WWOX: variants seen among roughly 807,000 people sequenced by gnomAD.
The protein encoded by WWOX is WW domain containing oxidoreductase.
WWOX carries 69 observed loss-of-function variants against 46.2 expected under a neutral mutation model. The ratio of observed to expected loss-of-function variants is 1.49; its 90% CI spans 1.23 to 1.82. The LOEUF is 1.82. WWOX is among the 40% of genes most tolerant of loss of function. WWOX has a pLI of 0.00. For synonymous variants in WWOX, 359 were observed against 202.6 expected (o/e 1.77, Z -6.56); for missense variants, 919 against 542.6 (o/e 1.69, Z -6.89).
chr16:78,830,221 C>T (rs2051778959), intron 8 of WWOX, among the ~76,000 whole-genome samples: 1 of 152,214 alleles, frequency 6.6e-6, no homozygotes, highest in Non-Finnish European at 1.5e-5. Flanking sequence ...GCAGTGTTAA[C>T]ATTCTAGTAA....
rs571500609 is a variant in WWOX at position 78,935,705 on chromosome 16, T to C, written c.1057-275903T>C. Among the ~76,000 whole-genome samples the C allele has an allele frequency of 5.9e-5, 9 of 151,980 alleles. No individual in the cohort carries two copies. The East Asian group carries it at 9.7e-4, about 16-fold the overall frequency. On this transcript the variant is annotated intron_variant, in intron 8 of 8. Transcript: ENST00000566780. The stretch of plus-strand genomic sequence containing the variant: ...CACCGACATGGCACATGTATACTTA[T>C]GTAACAAAGCTGCACATTGTGCACA...
chr16:78,712,554 C>T (rs2048465662), intron 8 of WWOX, among the ~76,000 whole-genome samples: 2 of 151,438 alleles, frequency 1.3e-5, no homozygotes, highest in Admixed American at 6.6e-5. Context: ...CACATAGTAC[C>T]AGATGGATTG....
chr16:78,774,509 TG>T (rs2142531619), intron 8 of WWOX, among the ~76,000 whole-genome samples: 2 of 49,370 alleles, frequency 4.1e-5, no homozygotes, highest in African/African-American at 1.2e-4. Flanking sequence ...TGTGTGTGTG[TG>T]TGTGTGTGTG....
At chr16:79,061,654 G>T (rs1047104261) in intron 8 of WWOX, among the ~76,000 whole-genome samples, 5 of 152,186 alleles carry the variant, frequency 3.3e-5, no homozygotes, top group Non-Finnish European at 7.3e-5. Context: ...CAGGGGCAAA[G>T]AATGGGAGGA....
chr16:78,613,295 C>T lies in WWOX; in HGVS notation c.1056+180543C>T, dbSNP rs377056788. The stretch of plus-strand genomic sequence containing the variant: ...GGGATCACTCTTTCAGAAACATGAG[C>T]GTATGGAAGCCCCAGTGTGTTCCTT... On this transcript the variant is annotated intron_variant, in intron 8 of 8. Transcript: ENST00000566780. 3.4e-4 allele frequency among the ~76,000 whole-genome samples: 52 copies of T among 152,182 alleles called. No individual in the cohort carries two copies. The Middle Eastern group carries it at 0.014, about 40-fold the overall frequency.
intron 8 of WWOX, among the ~76,000 whole-genome samples, chr16:78,609,218 T>G (rs1039656735): frequency 6.6e-6 from 1 of 152,236 alleles, no homozygotes; most frequent in African/African-American, 2.4e-5. Context: ...TATCATTGTT[T>G]CCTGACAGGT....
At chr16:78,354,991 G>C (rs1400356285) in intron 5 of WWOX, among the ~76,000 whole-genome samples, 1 of 152,058 alleles carries the variant, frequency 6.6e-6, no homozygotes, top group South Asian at 2.1e-4. Flanking sequence ...AATTAGCCGG[G>C]AGTGGTGGTG....
At chr16:78,271,238 A>G (rs1228760862) in intron 5 of WWOX, among the ~76,000 whole-genome samples, 1 of 152,118 alleles carries the variant, frequency 6.6e-6, no homozygotes, top group Non-Finnish European at 1.5e-5. Context: ...TTTTTCGTCC[A>G]CCTGAGTTTC....
At chr16:78,445,349 A>G (rs561329982) in intron 8 of WWOX, among the ~76,000 whole-genome samples, 18 of 152,320 alleles carry the variant, frequency 1.2e-4, no homozygotes, top group African/African-American at 4.3e-4. Context: ...ATGTCACAAG[A>G]TCTTGTTGAT....
rs543155202 is a variant in WWOX, at chr16:78,900,837, G to A, written c.1057-310771G>A. Among the ~76,000 whole-genome samples, 12 of 101,270 alleles carry A rather than the reference G, an allele frequency of 1.2e-4. No individual in the cohort carries two copies. The South Asian group carries it at 5.1e-3, about 43-fold the overall frequency. 66.4% of individuals were successfully genotyped at this position (101,270 alleles called of 152,430 possible). A position where few individuals can be genotyped will look rare whatever the true frequency, so the allele number is the denominator to read the frequency against. On this transcript the variant is annotated intron_variant, in intron 8 of 8. Transcript: ENST00000566780. ...AAATAAAATTGTACTTTTAATCAGAGCCTTTTTTTGAAAAAAAAAAAAAAG... is the reference window on the plus strand; with the variant it reads ...AAATAAAATTGTACTTTTAATCAGAACCTTTTTTTGAAAAAAAAAAAAAAG...
chr16:78,194,834 C>A (rs933123216), intron 5 of WWOX, among the ~76,000 whole-genome samples: 3 of 152,068 alleles, frequency 2.0e-5, no homozygotes, highest in African/African-American at 7.2e-5. Context: ...TCTTTTTATT[C>A]TTAGCACTTA....
In WWOX at chr16:78,753,917, C is replaced by T. The variant is rs977284547; in HGVS notation, c.1056+321165C>T. On this transcript the variant is annotated intron_variant, in intron 8 of 8. Coordinates refer to ENST00000566780, the MANE Select transcript of WWOX (RefSeq NM_016373.4). ...AGAATTGAAGAGGCTATTCCAAGGT[C>T]ACATGACTTTTAAGTGGCAGAAACA... Among the ~76,000 whole-genome samples the T allele has an allele frequency of 2.8e-5, 4 of 140,564 alleles. No individual in the cohort carries two copies. In the Admixed American group the frequency reaches 2.9e-4, roughly 10 times the overall value. 92.2% of individuals were successfully genotyped at this position (140,564 alleles called of 152,430 possible). A position where few individuals can be genotyped will look rare whatever the true frequency, so the allele number is the denominator to read the frequency against.
chr16:78,749,184 G>T (rs1033404736), intron 8 of WWOX, among the ~76,000 whole-genome samples: 1 of 152,138 alleles, frequency 6.6e-6, no homozygotes, highest in African/African-American at 2.4e-5. Context: ...ACTGCCATGG[G>T]GTGACCTGTG....
rs57609552 is a variant in WWOX, at chr16:78,735,426, C to CACACACACACACAA, written c.1056+302674_1056+302675insACACACACACACAA. 7.7e-3 allele frequency among the ~76,000 whole-genome samples: 1,152 copies of CACACACACACACAA among 150,284 alleles called. 16 individuals carry two copies. Among genetic ancestry groups the CACACACACACACAA allele is most frequent in the African/African-American group, 0.017 (712 of 40,762 alleles). ...ACACACACACACACACACACACACA[C>CACACACACACACAA]TAATATGGTTCTGATTCTCTGGAGA... is the stretch of plus-strand genomic sequence containing the variant. On this transcript the variant is annotated intron_variant, in intron 8 of 8. Transcript: ENST00000566780.
At chr16:78,471,111 C>G (rs1468371780) in intron 8 of WWOX, among the ~76,000 whole-genome samples, 4 of 152,180 alleles carry the variant, frequency 2.6e-5, no homozygotes, top group Admixed American at 2.0e-4. Context: ...TTTCTTGCTT[C>G]TAGGACTGAA....
At chr16:78,992,503 G>C (rs542515063) in intron 8 of WWOX, among the ~76,000 whole-genome samples, 1 of 152,244 alleles carries the variant, frequency 6.6e-6, no homozygotes, top group East Asian at 1.9e-4. Flanking sequence ...TTTGGCTCCA[G>C]TGAGCTCATT....
intron 8 of WWOX, among the ~76,000 whole-genome samples, chr16:78,709,483 G>A (rs1317360058): frequency 6.6e-6 from 1 of 152,130 alleles, no homozygotes; most frequent in Admixed American, 6.5e-5. Flanking sequence ...AGGGTATTCT[G>A]TTCATCTCTG....
At chr16:79,186,131 TC>T (rs2051009935) in intron 8 of WWOX, among the ~76,000 whole-genome samples, 1 of 152,136 alleles carries the variant, frequency 6.6e-6, no homozygotes, top group Non-Finnish European at 1.5e-5. Flanking sequence ...GGTCATATGT[TC>T]CTAAAGGATA....
At position 78,769,530 on chromosome 16, in the gene WWOX, ATTATTTATTTATTTATTTAT is replaced by A. The variant is rs141334504; in HGVS notation, c.1056+336813_1056+336832del. 7.3e-3 allele frequency among the ~76,000 whole-genome samples: 760 copies of A among 103,948 alleles called. 10 individuals carry two copies. Among genetic ancestry groups the A allele is most frequent in the Middle Eastern group, 0.025 (6 of 238 alleles). 68.2% of individuals were successfully genotyped at this position (103,948 alleles called of 152,430 possible). A position where few individuals can be genotyped will look rare whatever the true frequency, so the allele number is the denominator to read the frequency against. ...GTAATCCCTCCCACCCACCCCCCACATTATTTATTTATTTATTTATTTATTTATTTATTTATTTATTTATT... is the reference window on the plus strand; with the variant it reads ...GTAATCCCTCCCACCCACCCCCCACATTATTTATTTATTTATTTATTTATT... On this transcript the variant is annotated intron_variant, in intron 8 of 8. Coordinates refer to ENST00000566780, the MANE Select transcript of WWOX (RefSeq NM_016373.4).
Sources: allele counts gnomAD v4.1 joint callset (sites outside exome capture counted in the v4.1 genomes callset), GRCh38; gene constraint gnomAD v4.1.1; transcripts MANE v1.5; gene names NCBI Gene and HGNC (gene_info 2026-07-23, HGNC 2026-07-21).